KANK3: variants seen among roughly 807,000 people sequenced by gnomAD.
The protein encoded by KANK3 is KN motif and ankyrin repeat domain-containing protein 3.
A neutral mutation model predicts 65.4 loss-of-function variants in KANK3; 61 were observed. The ratio of observed to expected loss-of-function variants is 0.93; its 90% CI spans 0.76 to 1.15. The LOEUF is 1.15. Among genes scored for constraint, KANK3 ranks in the 50% most tolerant of loss-of-function variants. The probability of loss-of-function intolerance (pLI) is 0.00; values close to 1 mark genes in which losing one functional copy is unlikely to be tolerated. For missense variants in KANK3, 1,187 were observed against 1,178.8 expected (o/e 1.01, Z -0.10); for synonymous variants, 586 against 543.3 (o/e 1.08, Z -1.09).
intron 7 of KANK3, among the ~76,000 whole-genome samples, chr19:8,329,369 C>T (rs1408284148): frequency 1.3e-5 from 2 of 151,326 alleles, no homozygotes; most frequent in African/African-American, 2.4e-5. Context: ...TGCCAGTAAT[C>T]CCAGCTACTC....
intron 7 of KANK3, among the ~76,000 whole-genome samples, chr19:8,330,554 C>T (rs1263474912): frequency 6.6e-6 from 1 of 151,926 alleles, no homozygotes; most frequent in Non-Finnish European, 1.5e-5. Context: ...CATGGAGAAA[C>T]CCTGTCTGTA....
At chr19:8,326,219 C>T (rs1189729166) in intron 7 of KANK3, among the ~76,000 whole-genome samples, 3 of 151,872 alleles carry the variant, frequency 2.0e-5, no homozygotes, top group Admixed American at 1.3e-4. Flanking sequence ...CACTTGAGGT[C>T]AGGAGTTCGA....
Position 8,330,519 on chromosome 19 carries a change from G to A in KANK3, c.1936+2495C>T, listed in dbSNP as rs138886978. On this transcript the variant is annotated intron_variant, in intron 7 of 10. Transcript: ENST00000330915. Reference sequence around the variant, plus strand: ...TGAGGCAGGCGGATTACCTGAGGTCGGGAGTTTGAGACCAGCCTAACCAAC... The same window carrying A: ...TGAGGCAGGCGGATTACCTGAGGTCAGGAGTTTGAGACCAGCCTAACCAAC... Among the ~76,000 whole-genome samples the A allele has an allele frequency of 5.3e-5, 8 of 151,438 alleles. No homozygotes were observed. The South Asian group carries it at 1.5e-3, about 28-fold the overall frequency.
Position 8,334,879 on chromosome 19 carries a change from G to A in KANK3, c.948C>T (p.Ala316=). Residue 316 remains alanine (A), a synonymous_variant, in exon 3 of 11, where the codon GCC becomes GCT. Transcript: ENST00000330915. Reference sequence around the variant, plus strand: ...CCTCCCGGGTCTCCGGCACGGCCTGGGCACCCGCTTCTCGGGTCTCGGGCA... The same window carrying A: ...CCTCCCGGGTCTCCGGCACGGCCTGAGCACCCGCTTCTCGGGTCTCGGGCA... ...EAVPETREAG[A]QAVPETREAG... is the part of the protein sequence containing the mutation. The A allele has an allele frequency of 6.9e-7, 1 of 1,458,100 alleles. No homozygotes were observed. The highest frequency in any genetic ancestry group is 9.0e-7 in the Non-Finnish European group (1 of 1,114,318). The allele number at this position is 1,458,100 out of a possible 1,614,324, so 90.3% of individuals were successfully genotyped here. A position where few individuals can be genotyped will look rare whatever the true frequency, so the allele number is the denominator to read the frequency against.
At chr19:8,327,009 G>A (rs973110301) in intron 7 of KANK3, among the ~76,000 whole-genome samples, 1 of 152,104 alleles carries the variant, frequency 6.6e-6, no homozygotes, top group African/African-American at 2.4e-5. Context: ...CACAGTGCCT[G>A]TTTGGATGAT....
chr19:8,342,034 C>T (rs2972583), intron 1 of KANK3, among the ~76,000 whole-genome samples: 95,764 of 151,982 alleles, frequency 0.63, 30,572 homozygotes, highest in African/African-American at 0.71. Flanking sequence ...GTCTCTGTCA[C>T]CCAGGCTGGA....
At chr19:8,322,966 A>C in intron 10 of KANK3, 44 bp from the exon 11 acceptor site, 1 of 1,134,714 alleles carries the variant, frequency 8.8e-7, no homozygotes. Context: ...AATCTCCTTG[A>C]GGCAGGAAAC....
At chr19:8,337,439 G>C (rs1970660951) in intron 2 of KANK3, among the ~76,000 whole-genome samples, 1 of 152,090 alleles carries the variant, frequency 6.6e-6, no homozygotes, top group African/African-American at 2.4e-5. Context: ...CTGACCTTGT[G>C]ATCTGCCCGC....
intron 7 of KANK3, among the ~76,000 whole-genome samples, chr19:8,328,805 T>C (rs1310524074): frequency 6.6e-6 from 1 of 151,912 alleles, no homozygotes; most frequent in Non-Finnish European, 1.5e-5. Context: ...GTAAAGCTGA[T>C]GTGGGGCAGA....
intron 7 of KANK3, 23 bp downstream of exon 7, chr19:8,332,991 A>G: frequency 3.6e-6 from 1 of 280,864 alleles, no homozygotes; most frequent in Non-Finnish European, 7.1e-6. Context: ...CTGGTGTCCC[A>G]CCCACCCTCC....
At chr19:8,329,515 AAAAG>A (rs1970488632) in intron 7 of KANK3, among the ~76,000 whole-genome samples, 1 of 151,274 alleles carries the variant, frequency 6.6e-6, no homozygotes, top group South Asian at 2.1e-4. Context: ...AAAAAAAAAA[AAAAG>A]ACTAACTATA....
chr19:8,335,131 C>G lies in KANK3; in HGVS notation c.696G>C (p.Glu232Asp). 8.1e-7 allele frequency: 1 copy of G among 1,241,032 alleles called. No homozygotes were observed. Among genetic ancestry groups the G allele is most frequent in the Non-Finnish European group, 1.0e-6 (1 of 994,610 alleles). The allele number at this position is 1,241,032 out of a possible 1,614,324, so 76.9% of individuals were successfully genotyped here. A position where few individuals can be genotyped will look rare whatever the true frequency, so the allele number is the denominator to read the frequency against. ...ARLLAGRAQP[E>D]PDGEAETRPD... ...GGCGCGTCTCAGCCTCCCCGTCCGGCTCGGGCTGCGCGCGCCCGGCCAGCA... is the reference window on the plus strand; with the variant it reads ...GGCGCGTCTCAGCCTCCCCGTCCGGGTCGGGCTGCGCGCGCCCGGCCAGCA... Residue 232 changes from glutamate to aspartate, a missense_variant, in exon 3 of 11, where the codon GAG (glutamate) becomes GAC (aspartate). Transcript: ENST00000330915.
intron 7 of KANK3, 28 bp downstream of exon 7, chr19:8,332,986 G>A: frequency 1.8e-6 from 1 of 543,826 alleles, no homozygotes; most frequent in South Asian, 1.6e-5. Flanking sequence ...ATTTCCTGGT[G>A]TCCCACCCAC....
chr19:8,331,089 A>C (rs953392607), intron 7 of KANK3, among the ~76,000 whole-genome samples: 7 of 151,666 alleles, frequency 4.6e-5, no homozygotes, highest in Non-Finnish European at 1.0e-4. Flanking sequence ...GCTACTCGGG[A>C]GGCTGAGGCA....
Position 8,322,631 on chromosome 19 carries a change from C to T in KANK3, c.*208G>A. Reference sequence around the variant, plus strand: ...AAGAAGTTTCAGAGAGTGGGTGGATCAGGGCTCTATCACTTGGTCCCCACC... The same window carrying T: ...AAGAAGTTTCAGAGAGTGGGTGGATTAGGGCTCTATCACTTGGTCCCCACC... On this transcript the variant is annotated 3_prime_UTR_variant, in exon 11 of 11. Transcript: ENST00000330915. The T allele has an allele frequency of 1.7e-6, 1 of 593,100 alleles. No homozygotes were observed. The allele number at this position is 593,100 out of a possible 1,614,324, so 36.7% of individuals were successfully genotyped here.
At chr19:8,341,450 G>A (rs965785492) in intron 1 of KANK3, among the ~76,000 whole-genome samples, 6 of 151,724 alleles carry the variant, frequency 4.0e-5, no homozygotes, top group Non-Finnish European at 2.9e-5. Context: ...ATGCTCTGTC[G>A]CCCAGGCTGG....
rs111691624 is a variant in KANK3 at position 8,342,208 on chromosome 19, G to A, written c.-29+1017C>T. 7.7e-3 allele frequency among the ~76,000 whole-genome samples: 1,178 copies of A among 152,176 alleles called. 7 individuals carry two copies. The highest frequency in any genetic ancestry group is 0.014 in the Non-Finnish European group (921 of 67,986). ...GGGTTTCATCATGTTGGTCAGTCTG[G>A]TCTCAAACTCCTGACCTCAAGAGAT... On this transcript the variant is annotated intron_variant, in intron 1 of 10. Coordinates refer to ENST00000330915, the MANE Select transcript of KANK3 (RefSeq NM_198471.3).
In KANK3 at chr19:8,333,282, G is replaced by A. The variant is rs1335438954; in HGVS notation, c.1720-52C>T. 9 of 1,468,198 alleles carry A rather than the reference G, an allele frequency of 6.1e-6. No homozygotes were observed. Among genetic ancestry groups the A allele is most frequent in the Non-Finnish European group, 8.4e-6 (9 of 1,076,640 alleles). 90.9% of individuals were successfully genotyped at this position (1,468,198 alleles called of 1,614,324 possible). A position where few individuals can be genotyped will look rare whatever the true frequency, so the allele number is the denominator to read the frequency against. Reference sequence around the variant, plus strand: ...ATCGGCGATGGTCCACGGCGGCGCCGTGGTGGGGGAGCTGGGGAGGGGCGG... The same window carrying A: ...ATCGGCGATGGTCCACGGCGGCGCCATGGTGGGGGAGCTGGGGAGGGGCGG... On this transcript the variant is annotated intron_variant, in intron 6 of 10. Transcript: ENST00000330915. This position sits in a 1 kb window ranked among gnomAD's most constrained non-coding sequence, Gnocchi z 5.0.
chr19:8,323,287 C>A, intron 10 of KANK3: 1 of 173,380 alleles, frequency 5.8e-6, no homozygotes, highest in Non-Finnish European at 1.2e-5. Flanking sequence ...GGAAACTCGT[C>A]TAACACGAAG....
Sources: allele counts gnomAD v4.1 joint callset (sites outside exome capture counted in the v4.1 genomes callset), GRCh38; gene constraint gnomAD v4.1.1; non-coding constraint Gnocchi (gnomAD v3.1); transcripts MANE v1.5; gene names NCBI Gene and HGNC (gene_info 2026-07-23, HGNC 2026-07-21).